SFMBT2: variants seen among roughly 807,000 people sequenced by gnomAD.
The protein encoded by SFMBT2 is Scm like with four mbt domains 2.
In SFMBT2, 38 loss-of-function variants were observed where a neutral mutation model predicts 110.1. That is an observed-to-expected ratio of 0.35 (90% CI 0.27 to 0.45). The LOEUF (loss-of-function observed/expected upper bound fraction) is 0.45, where lower values mean the gene tolerates loss of function less well. Ranked by LOEUF, SFMBT2 falls within the 20% of genes least tolerant of loss-of-function variation. The pLI, the probability that SFMBT2 is intolerant of heterozygous loss-of-function variation, is 1.00. For synonymous variants in SFMBT2, 425 were observed against 425.4 expected (o/e 1.00, Z 0.01); for missense variants, 1,011 against 1,094.9 (o/e 0.92, Z 1.08).
At chr10:7,297,527 G>A (rs944541494) in intron 4 of SFMBT2, among the ~76,000 whole-genome samples, 127 of 152,182 alleles carry the variant, frequency 8.3e-4, no homozygotes, top group African/African-American at 2.9e-3. Flanking sequence ...GAAAAGGAGG[G>A]AAAGGGCGAA....
chr10:7,206,509 C>T (rs1267968588), intron 11 of SFMBT2: 1 of 985,264 alleles, frequency 1.0e-6, no homozygotes, highest in African/African-American at 1.7e-5. Context: ...GACAACTTAT[C>T]AGTTTGGAGT....
chr10:7,263,112 C>T (rs1007129424), intron 7 of SFMBT2, among the ~76,000 whole-genome samples: 1 of 152,192 alleles, frequency 6.6e-6, no homozygotes, highest in African/African-American at 2.4e-5. Flanking sequence ...CCTGAGAGAA[C>T]AGACCCGGCT....
At chr10:7,237,107 A>T (rs1840281392) in intron 9 of SFMBT2, among the ~76,000 whole-genome samples, 1 of 152,196 alleles carries the variant, frequency 6.6e-6, no homozygotes, top group Non-Finnish European at 1.5e-5. Context: ...ATGCTCAAAC[A>T]CCATGTTAGA....
intron 4 of SFMBT2, among the ~76,000 whole-genome samples, chr10:7,362,261 G>C (rs1198164595): frequency 6.6e-6 from 1 of 152,138 alleles, no homozygotes; most frequent in African/African-American, 2.4e-5. Flanking sequence ...GTCTCTAAAT[G>C]CGTCTTTATT....
intron 1 of SFMBT2, among the ~76,000 whole-genome samples, chr10:7,392,985 ATATAT>A (rs1845812943): frequency 1.9e-4 from 1 of 5,162 alleles, no homozygotes; most frequent in Non-Finnish European, 5.3e-4. Flanking sequence ...TGGATAGATT[ATATAT>A]ATATATATAT....
intron 8 of SFMBT2, among the ~76,000 whole-genome samples, chr10:7,247,894 T>G (rs1452403915): frequency 6.6e-6 from 1 of 152,216 alleles, no homozygotes; most frequent in Non-Finnish European, 1.5e-5. Flanking sequence ...TTTTATTGTT[T>G]GTAGAGACAG....
intron 10 of SFMBT2, among the ~76,000 whole-genome samples, chr10:7,223,603 C>T (rs938973508): frequency 7.9e-5 from 12 of 152,022 alleles, no homozygotes; most frequent in African/African-American, 1.9e-4. Context: ...TCTCTCGTTC[C>T]GATTAAGCTA....
intron 7 of SFMBT2, among the ~76,000 whole-genome samples, chr10:7,255,863 A>T (rs1205377254): frequency 2.6e-5 from 4 of 152,224 alleles, no homozygotes. Context: ...GAGGGCCAAC[A>T]AGATGCTCAC....
At chr10:7,338,462 G>A (rs938124532) in intron 4 of SFMBT2, among the ~76,000 whole-genome samples, 2 of 152,162 alleles carry the variant, frequency 1.3e-5, no homozygotes, top group Admixed American at 6.5e-5. Flanking sequence ...TATGTATTAT[G>A]TGCGGTACTC....
At position 7,163,669 on chromosome 10, in the gene SFMBT2, G is replaced by C; in HGVS notation, c.*101C>G. The C allele has an allele frequency of 2.9e-6, 3 of 1,051,238 alleles. No individual in the cohort carries two copies. The highest frequency in any genetic ancestry group is 2.8e-6 in the Non-Finnish European group (2 of 707,086). 65.1% of individuals were successfully genotyped at this position (1,051,238 alleles called of 1,614,324 possible). ...TCTGGTTTTCTGGTGATACTTAGTG[G>C]CTGTACCATTTAACATATCCCGGAA... On this transcript the variant is annotated 3_prime_UTR_variant, in exon 21 of 21. Coordinates refer to ENST00000397167, the MANE Select transcript of SFMBT2 (RefSeq NM_001387889.1). This position sits in a 1 kb window ranked among gnomAD's most constrained non-coding sequence, Gnocchi z 4.8.
chr10:7,369,089 A>G (rs538125585), intron 3 of SFMBT2, among the ~76,000 whole-genome samples: 2 of 152,224 alleles, frequency 1.3e-5, no homozygotes, highest in African/African-American at 2.4e-5. Context: ...GCTACTCGAG[A>G]GGCTGAAGTA....
intron 2 of SFMBT2, among the ~76,000 whole-genome samples, chr10:7,381,070 CACATACATACATACAT>C (rs34216043): frequency 6.8e-4 from 101 of 149,500 alleles, no homozygotes; most frequent in South Asian, 1.9e-3. Context: ...CACACATACA[CACATACATACATACAT>C]ACATACATAC....
intron 4 of SFMBT2, chr10:7,348,154 C>T: frequency 3.4e-6 from 2 of 583,296 alleles, no homozygotes; most frequent in Non-Finnish European, 5.5e-6. Context: ...GTTCTAAAAA[C>T]ATTTTATTTT....
chr10:7,363,907 C>G (rs1270069076), intron 4 of SFMBT2, among the ~76,000 whole-genome samples: 1 of 152,056 alleles, frequency 6.6e-6, no homozygotes, highest in Non-Finnish European at 1.5e-5. Flanking sequence ...AAACATCATA[C>G]ACCCTGGATC....
intron 7 of SFMBT2, among the ~76,000 whole-genome samples, chr10:7,251,122 C>T (rs768622286): frequency 1.3e-5 from 2 of 151,668 alleles, no homozygotes; most frequent in Non-Finnish European, 2.9e-5. Context: ...ATCACATGTA[C>T]CCCAAAGTAT....
chr10:7,407,692 C>T (rs1330406255), intron 1 of SFMBT2, among the ~76,000 whole-genome samples: 1 of 152,200 alleles, frequency 6.6e-6, no homozygotes, highest in Non-Finnish European at 1.5e-5. Context: ...GCCCAAAGAT[C>T]CTGAAAATTC....
intron 8 of SFMBT2, among the ~76,000 whole-genome samples, chr10:7,245,358 A>ACT (rs148337200): frequency 0.07 from 10,703 of 152,276 alleles, 883 homozygotes; most frequent in African/African-American, 0.2. Flanking sequence ...ATATACACAT[A>ACT]CACACACATA....
intron 2 of SFMBT2, among the ~76,000 whole-genome samples, chr10:7,371,567 A>G (rs188509115): frequency 1.3e-3 from 193 of 152,374 alleles, no homozygotes; most frequent in African/African-American, 4.0e-3. Flanking sequence ...TAACATATAC[A>G]CGGCATAAAT....
chr10:7,380,197 C>G (rs1311587842), intron 2 of SFMBT2, among the ~76,000 whole-genome samples: 3 of 152,174 alleles, frequency 2.0e-5, no homozygotes, highest in African/African-American at 7.2e-5. Context: ...GAACTTTCAG[C>G]CTATACAACT....
Sources: gnomAD v4.1 joint callset for allele counts (sites outside exome capture counted in the v4.1 genomes callset) on GRCh38, gnomAD v4.1.1 for gene constraint, Gnocchi (gnomAD v3.1) non-coding constraint, MANE v1.5 for transcripts, NCBI Gene and HGNC (gene_info 2026-07-23, HGNC 2026-07-21) for gene names.